The following GRM3 variants were observed in gnomAD, a reference collection of about 807,000 sequenced individuals.
GRM3 encodes glutamate metabotropic receptor 3.
Under a neutral mutation model 70.5 loss-of-function variants are expected in GRM3, and 26 were observed. The observed-to-expected ratio is 0.37, with a 90% CI of 0.27 to 0.51. The LOEUF (loss-of-function observed/expected upper bound fraction) is 0.51, where lower values mean the gene tolerates loss of function less well. GRM3 is among the 20% of genes least tolerant of loss of function. GRM3 has a pLI of 0.93. For missense variants in GRM3, 859 were observed against 1,123.8 expected, an observed-to-expected ratio of 0.76 and a Z score of 3.37; for synonymous variants, 443 against 434.9, an observed-to-expected ratio of 1.02 and a Z score of -0.23.
intron 1 of GRM3, among the ~76,000 whole-genome samples, chr7:86,727,184 G>A (rs1325771456): frequency 3.9e-5 from 6 of 152,102 alleles, no homozygotes; most frequent in Admixed American, 6.6e-5. Context: ...GGAAATTTGT[G>A]GAAGATCTTA....
intron 1 of GRM3, among the ~76,000 whole-genome samples, chr7:86,666,874 C>T (rs369059607): frequency 1.3e-5 from 2 of 152,054 alleles, no homozygotes; most frequent in East Asian, 3.9e-4. Flanking sequence ...GCAAGTTATC[C>T]AGTTAGTGAA....
At chr7:86,696,521 G>C (rs146683806) in intron 1 of GRM3, among the ~76,000 whole-genome samples, 1 of 152,260 alleles carries the variant, frequency 6.6e-6, no homozygotes, top group East Asian at 1.9e-4. Flanking sequence ...ATGATCTCCA[G>C]AACTGCAAGA....
At chr7:86,733,886 G>A (rs1168487244) in intron 1 of GRM3, among the ~76,000 whole-genome samples, 4 of 152,178 alleles carry the variant, frequency 2.6e-5, no homozygotes, top group South Asian at 2.1e-4. Flanking sequence ...AGCGAAGCAC[G>A]AGCTCATGTA....
At chr7:86,733,130 T>A (rs1319214396) in intron 1 of GRM3, among the ~76,000 whole-genome samples, 1 of 151,554 alleles carries the variant, frequency 6.6e-6, no homozygotes, top group Non-Finnish European at 1.5e-5. Context: ...CTGGCTAACA[T>A]GGTGAAACCC....
At chr7:86,806,103 A>G (rs1025845450) in intron 3 of GRM3, among the ~76,000 whole-genome samples, 4 of 152,164 alleles carry the variant, frequency 2.6e-5, no homozygotes, top group Non-Finnish European at 5.9e-5. Flanking sequence ...GCTACATAGT[A>G]TTCCATGGTG....
At chr7:86,663,965 A>G (rs2115857087) in intron 1 of GRM3, among the ~76,000 whole-genome samples, 1 of 152,146 alleles carries the variant, frequency 6.6e-6, no homozygotes, top group South Asian at 2.1e-4. Context: ...GTATTCAGTG[A>G]CATGAGCACA....
chr7:86,700,483 A>G (rs1794923082), intron 1 of GRM3, among the ~76,000 whole-genome samples: 1 of 151,910 alleles, frequency 6.6e-6, no homozygotes, highest in Non-Finnish European at 1.5e-5. Context: ...GTCCCCAGCT[A>G]CTAACCATGA....
chr7:86,754,557 G>A (rs368372043), intron 1 of GRM3, among the ~76,000 whole-genome samples: 2 of 152,038 alleles, frequency 1.3e-5, no homozygotes, highest in South Asian at 4.2e-4. Flanking sequence ...ATCTGAGATG[G>A]CATCTATATG....
intron 5 of GRM3, among the ~76,000 whole-genome samples, chr7:86,851,709 T>G (rs564040973): frequency 5.3e-5 from 8 of 152,242 alleles, no homozygotes; most frequent in African/African-American, 1.7e-4. Context: ...TGAGAGCACA[T>G]GTTCATGGAT....
At chr7:86,829,398 A>C (rs1199836537) in intron 3 of GRM3, among the ~76,000 whole-genome samples, 3 of 152,170 alleles carry the variant, frequency 2.0e-5, no homozygotes, top group African/African-American at 7.2e-5. Flanking sequence ...TCCTTCAAGA[A>C]CTTTTCTTTT....
chr7:86,771,036 A>G (rs1399501993), intron 2 of GRM3, among the ~76,000 whole-genome samples: 1 of 152,060 alleles, frequency 6.6e-6, no homozygotes, highest in Non-Finnish European at 1.5e-5. Context: ...CCCTTTCCTC[A>G]CTGAGAATCA....
intron 3 of GRM3, among the ~76,000 whole-genome samples, chr7:86,831,213 T>C (rs1039133764): frequency 5.3e-5 from 8 of 152,194 alleles, no homozygotes; most frequent in African/African-American, 1.9e-4. Flanking sequence ...GGTGGAATGA[T>C]AGGGACGGGA....
intron 1 of GRM3, among the ~76,000 whole-genome samples, chr7:86,645,164 A>G (rs1793427545): frequency 1.3e-5 from 2 of 152,168 alleles, no homozygotes; most frequent in Admixed American, 1.3e-4. Context: ...CGCAGACCCC[A>G]GAGAGACCAG....
chr7:86,661,891 G>T (rs1479781981), intron 1 of GRM3, among the ~76,000 whole-genome samples: 1 of 151,608 alleles, frequency 6.6e-6, no homozygotes, highest in Non-Finnish European at 1.5e-5. Flanking sequence ...AGCATAATAG[G>T]CACTTTACTT....
chr7:86,772,411 T>A (rs75128283), intron 2 of GRM3, among the ~76,000 whole-genome samples: 1 of 152,054 alleles, frequency 6.6e-6, no homozygotes, highest in African/African-American at 2.4e-5. Context: ...AGACAGACAA[T>A]GTTGCAAGGC....
chr7:86,700,730 A>T (rs1280229196), intron 1 of GRM3, among the ~76,000 whole-genome samples: 2 of 151,942 alleles, frequency 1.3e-5, no homozygotes, highest in South Asian at 4.1e-4. Context: ...TACAGAGAAT[A>T]CAAGTCATTT....
chr7:86,733,054 C>T (rs893251934), intron 1 of GRM3, among the ~76,000 whole-genome samples: 1 of 152,092 alleles, frequency 6.6e-6, no homozygotes, highest in Non-Finnish European at 1.5e-5. Context: ...GTGTCTCACG[C>T]CTGTAATCCC....
chr7:86,650,665 C>T (rs2115770126), intron 1 of GRM3, among the ~76,000 whole-genome samples: 1 of 152,250 alleles, frequency 6.6e-6, no homozygotes, highest in South Asian at 2.1e-4. Context: ...GAGAAATAAA[C>T]ACCAGGTCTG....
intron 1 of GRM3, among the ~76,000 whole-genome samples, chr7:86,751,119 G>A (rs1796220543): frequency 6.6e-6 from 1 of 152,050 alleles, no homozygotes; most frequent in African/African-American, 2.4e-5. Flanking sequence ...TATCACCGTG[G>A]GCAAGACAGC....
Sources: allele counts gnomAD v4.1 joint callset (sites outside exome capture counted in the v4.1 genomes callset), GRCh38; gene constraint gnomAD v4.1.1; transcripts MANE v1.5; gene names NCBI Gene and HGNC (gene_info 2026-07-23, HGNC 2026-07-21).